RIMS1: variants seen among roughly 807,000 people sequenced by gnomAD.
RIMS1 encodes the protein regulating synaptic membrane exocytosis protein 1.
RIMS1 carries 83 observed loss-of-function variants against 214.1 expected under a neutral mutation model. That is an observed-to-expected ratio of 0.39 (90% CI 0.32 to 0.47). The LOEUF is 0.47. RIMS1 is among the 20% of genes least tolerant of loss of function. The pLI is 0.99. For synonymous variants in RIMS1, 793 were observed against 786.8 expected (o/e 1.01, Z -0.13); for missense variants, 2,050 against 2,161.8 (o/e 0.95, Z 1.03).
At chr6:72,190,859 T>C (rs182024966) in intron 6 of RIMS1, among the ~76,000 whole-genome samples, 93 of 152,292 alleles carry the variant, frequency 6.1e-4, no homozygotes, top group African/African-American at 2.1e-3. Flanking sequence ...GCGTGGTGAC[T>C]TGACCCATGG....
intron 2 of RIMS1, among the ~76,000 whole-genome samples, chr6:72,023,531 T>C (rs890844318): frequency 1.3e-5 from 2 of 152,070 alleles, no homozygotes; most frequent in Non-Finnish European, 2.9e-5. Flanking sequence ...ACTTTTTTTC[T>C]AGTCAATGTT....
intron 12 of RIMS1, among the ~76,000 whole-genome samples, chr6:72,248,614 A>T (rs2071433657): frequency 6.6e-6 from 1 of 152,200 alleles, no homozygotes; most frequent in Non-Finnish European, 1.5e-5. Context: ...TTATTATGTG[A>T]TCTGGGGAAA....
intron 2 of RIMS1, among the ~76,000 whole-genome samples, chr6:72,052,864 G>A (rs528229530): frequency 9.2e-5 from 14 of 152,240 alleles, no homozygotes; most frequent in African/African-American, 2.9e-4. Flanking sequence ...TACACTTTTA[G>A]TATGAAAAGG....
intron 2 of RIMS1, among the ~76,000 whole-genome samples, chr6:71,975,607 C>T (rs1010136087): frequency 6.6e-6 from 1 of 152,142 alleles, no homozygotes; most frequent in African/African-American, 2.4e-5. Flanking sequence ...CCATACAATT[C>T]ACCTTTTTAA....
At chr6:72,130,395 G>T (rs969179948) in intron 4 of RIMS1, among the ~76,000 whole-genome samples, 1 of 151,774 alleles carries the variant, frequency 6.6e-6, no homozygotes, top group African/African-American at 2.4e-5. Context: ...ATATTTTTAG[G>T]TCAAAATTTA....
chr6:72,197,841 C>T (rs1030358040), intron 6 of RIMS1, among the ~76,000 whole-genome samples: 1 of 151,882 alleles, frequency 6.6e-6, no homozygotes, highest in East Asian at 1.9e-4. Context: ...AAGATGAGTA[C>T]AAAGATTATA....
intron 6 of RIMS1, among the ~76,000 whole-genome samples, chr6:72,222,962 T>A (rs2058997555): frequency 6.6e-6 from 1 of 152,226 alleles, no homozygotes; most frequent in Admixed American, 6.5e-5. Flanking sequence ...TGTTTGTTTT[T>A]GTGTATTTGT....
chr6:72,085,643 CTCTGG>C (rs1288071689), intron 2 of RIMS1, among the ~76,000 whole-genome samples: 5 of 152,050 alleles, frequency 3.3e-5, no homozygotes, highest in African/African-American at 1.2e-4. Context: ...ACATGGTGGT[CTCTGG>C]ATAATTTGCA....
At chr6:72,008,953 T>A (rs1471079949) in intron 2 of RIMS1, among the ~76,000 whole-genome samples, 3 of 152,120 alleles carry the variant, frequency 2.0e-5, no homozygotes, top group Non-Finnish European at 4.4e-5. Context: ...GGAATTGAAC[T>A]CAGCTCTGCA....
Position 71,886,921 on chromosome 6 carries a change from G to A in RIMS1, c.-103G>A, listed in dbSNP as rs1465320836. ...CGCTGCTCCTCCTCCTGCCGCCGCC[G>A]CTAGGGCTCCGCTGTGAGGGGGAAG... is the stretch of plus-strand genomic sequence containing the variant. On this transcript the variant is annotated 5_prime_UTR_variant, in exon 1 of 34. Coordinates refer to ENST00000521978, the MANE Select transcript of RIMS1 (RefSeq NM_014989.7). 4 of 1,396,292 alleles carry A rather than the reference G, an allele frequency of 2.9e-6. No individual in the cohort carries two copies. In the African/African-American group the frequency reaches 5.7e-5, roughly 20 times the overall value. The allele number at this position is 1,396,292 out of a possible 1,614,324, so 86.5% of individuals were successfully genotyped here. A position where few individuals can be genotyped will look rare whatever the true frequency, so the allele number is the denominator to read the frequency against.
chr6:71,937,767 A>G (rs913751923), intron 1 of RIMS1, among the ~76,000 whole-genome samples: 1 of 152,152 alleles, frequency 6.6e-6, no homozygotes, highest in Non-Finnish European at 1.5e-5. Context: ...TATTGTTTCA[A>G]TGTCAGTTAT....
At chr6:72,063,023 T>C (rs2152260091) in intron 2 of RIMS1, among the ~76,000 whole-genome samples, 1 of 152,274 alleles carries the variant, frequency 6.6e-6, no homozygotes, top group South Asian at 2.1e-4. Flanking sequence ...ATTAGGACTC[T>C]AGGACTCCAA....
intron 23 of RIMS1, among the ~76,000 whole-genome samples, chr6:72,279,611 T>G (rs750743159): frequency 6.6e-6 from 1 of 152,004 alleles, no homozygotes; most frequent in Non-Finnish European, 1.5e-5. Flanking sequence ...ATGTTTAAAC[T>G]AAAAATAAGA....
intron 1 of RIMS1, among the ~76,000 whole-genome samples, chr6:71,922,558 A>G (rs1484581974): frequency 6.6e-6 from 1 of 152,242 alleles, no homozygotes; most frequent in Non-Finnish European, 1.5e-5. Context: ...AACAAAACAA[A>G]AACCAGAATG....
intron 2 of RIMS1, among the ~76,000 whole-genome samples, chr6:72,018,731 A>T (rs1305959023): frequency 6.6e-6 from 1 of 152,206 alleles, no homozygotes; most frequent in Non-Finnish European, 1.5e-5. Context: ...CCTGGAAGCC[A>T]GTGAAGAGTG....
Position 72,385,645 on chromosome 6 carries a change from T to C in RIMS1, c.4367-4953T>C, listed in dbSNP as rs190623304. Among the ~76,000 whole-genome samples the C allele has an allele frequency of 1.5e-3, 232 of 152,334 alleles. 1 individual carries two copies. Among genetic ancestry groups the C allele is most frequent in the African/African-American group, 5.0e-3 (208 of 41,590 alleles). ...TATATCCACTAGAATGTAACCTCCA[T>C]TGGGGCAGGGATTTTGTCTGTTGTG... On this transcript the variant is annotated intron_variant, in intron 29 of 33. Coordinates refer to ENST00000521978, the MANE Select transcript of RIMS1 (RefSeq NM_014989.7).
chr6:71,924,648 A>AAAAAAAAAAAAAAAAAG (rs1781028673), intron 1 of RIMS1, among the ~76,000 whole-genome samples: 21 of 149,804 alleles, frequency 1.4e-4, no homozygotes, highest in African/African-American at 4.7e-4. Context: ...AAAAAAAAAA[A>AAAAAAAAAAAAAAAAAG]TGCAGAAAAT....
Position 72,210,065 on chromosome 6 carries a change from A to G in RIMS1, c.1679-23708A>G, listed in dbSNP as rs148429815. Among the ~76,000 whole-genome samples the G allele has an allele frequency of 9.8e-4, 149 of 152,298 alleles. 2 individuals carry two copies. Among genetic ancestry groups the G allele is most frequent in the African/African-American group, 3.4e-3 (140 of 41,572 alleles). On this transcript the variant is annotated intron_variant, in intron 6 of 33. Transcript: ENST00000521978. ...ATAGTTTGTGGTAGCTGAATCACAG[A>G]TATCCCAGTGACAGAACAAGACATG...
chr6:72,147,819 T>C (rs1405607822), intron 4 of RIMS1, among the ~76,000 whole-genome samples: 7 of 152,200 alleles, frequency 4.6e-5, no homozygotes, highest in Admixed American at 4.6e-4. Context: ...CCAATACTTC[T>C]GGGTTTTGAA....
Sources: gnomAD v4.1 joint callset for allele counts (sites outside exome capture counted in the v4.1 genomes callset) on GRCh38, gnomAD v4.1.1 for gene constraint, MANE v1.5 for transcripts, NCBI Gene and HGNC (gene_info 2026-07-23, HGNC 2026-07-21) for gene names.